The following TRAK2 variants were observed in gnomAD, a reference collection of about 807,000 sequenced individuals.
The protein encoded by TRAK2 is trafficking kinesin protein 2, also known as trafficking kinesin-binding protein 2.
TRAK2 carries 81 observed loss-of-function variants against 104.6 expected under a neutral mutation model. The observed-to-expected ratio is 0.77, with a 90% CI of 0.65 to 0.93. TRAK2 has a LOEUF of 0.93. Among genes scored for constraint, TRAK2 ranks in the 40% least tolerant of loss-of-function variants. The pLI, the probability that TRAK2 is intolerant of heterozygous loss-of-function variation, is 0.00. For synonymous variants in TRAK2, 406 were observed against 394.4 expected, an observed-to-expected ratio of 1.03 and a Z score of -0.35; for missense variants, 1,002 against 1,089.0, an observed-to-expected ratio of 0.92 and a Z score of 1.12.
intron 1 of TRAK2, among the ~76,000 whole-genome samples, chr2:201,434,939 A>G (rs1951870522): frequency 6.6e-6 from 1 of 152,260 alleles, no homozygotes; most frequent in Non-Finnish European, 1.5e-5. Context: ...CCAGTCAAAA[A>G]TAATTTAGTG....
In TRAK2 at chr2:201,380,431, A is replaced by G. The variant is rs1220952712; in HGVS notation, c.*112T>C. ...TTCCTCCATTCCCCCTTTCACATTC[A>G]CAACCCTTGTGCAACATTCCTTTTC... On this transcript the variant is annotated 3_prime_UTR_variant, in exon 16 of 16. Coordinates refer to ENST00000332624, the MANE Select transcript of TRAK2 (RefSeq NM_015049.3). 8.7e-7 allele frequency: 1 copy of G among 1,145,838 alleles called. No homozygotes were observed. Among genetic ancestry groups the G allele is most frequent in the African/African-American group, 1.6e-5 (1 of 64,076 alleles). The allele number at this position is 1,145,838 out of a possible 1,614,324, so 71.0% of individuals were successfully genotyped here. A position where few individuals can be genotyped will look rare whatever the true frequency, so the allele number is the denominator to read the frequency against.
In TRAK2 at chr2:201,400,448, G is replaced by T. The variant is rs866222396; in HGVS notation, c.363+570C>A. On this transcript the variant is annotated intron_variant, in intron 4 of 15. Coordinates refer to ENST00000332624, the MANE Select transcript of TRAK2 (RefSeq NM_015049.3). Reference sequence around the variant, plus strand: ...AAATAATCGCTAAATGGCATACATAGAAATCATTCTGGAGAGCTGGGGGGA... The same window carrying T: ...AAATAATCGCTAAATGGCATACATATAAATCATTCTGGAGAGCTGGGGGGA... 5.3e-5 allele frequency among the ~76,000 whole-genome samples: 8 copies of T among 152,050 alleles called. No homozygotes were observed. In the Middle Eastern group the frequency reaches 0.02, roughly 388 times the overall value.
At position 201,437,180 on chromosome 2, in the gene TRAK2, T is replaced by C. The variant is rs78758800; in HGVS notation, c.-200+14170A>G. Among the ~76,000 whole-genome samples the C allele has an allele frequency of 6.5e-3, 992 of 152,312 alleles. 10 individuals carry two copies. Among genetic ancestry groups the C allele is most frequent in the African/African-American group, 0.023 (969 of 41,570 alleles). Reference sequence around the variant, plus strand: ...ACAGGTAAATTTTTTGAGATATGGCTACTGGCTATCTGCAATCCAGGAGGT... The same window carrying C: ...ACAGGTAAATTTTTTGAGATATGGCCACTGGCTATCTGCAATCCAGGAGGT... On this transcript the variant is annotated intron_variant, in intron 1 of 15. Coordinates refer to ENST00000332624, the MANE Select transcript of TRAK2 (RefSeq NM_015049.3).
intron 1 of TRAK2, among the ~76,000 whole-genome samples, chr2:201,425,001 A>G (rs1188680906): frequency 2.0e-5 from 3 of 152,242 alleles, no homozygotes; most frequent in Non-Finnish European, 2.9e-5. Flanking sequence ...ACATGTGACA[A>G]TTATGAAATT....
At chr2:201,439,799 T>C (rs901159159) in intron 1 of TRAK2, among the ~76,000 whole-genome samples, 5 of 149,942 alleles carry the variant, frequency 3.3e-5, no homozygotes, top group Admixed American at 6.6e-5. Flanking sequence ...ATGGATGAAA[T>C]TGGAAATCAT....
rs149582287 is a variant in TRAK2, at chr2:201,385,112, T to A, written c.1964-896A>T. Among the ~76,000 whole-genome samples, 68 of 152,314 alleles carry A rather than the reference T, an allele frequency of 4.5e-4. 1 individual carries two copies. The highest frequency in any genetic ancestry group is 1.5e-3 in the African/African-American group (63 of 41,572). On this transcript the variant is annotated intron_variant, in intron 14 of 15. Transcript: ENST00000332624. ...GAAAAAGTGAGTTTTGGAAAACTCGTATCCACCACTGAAAGCATGAACATC... is the reference window on the plus strand; with the variant it reads ...GAAAAAGTGAGTTTTGGAAAACTCGAATCCACCACTGAAAGCATGAACATC...
rs757907835 is a variant in TRAK2, at chr2:201,397,490, G to A, written c.769+12C>T. 1.2e-5 allele frequency: 20 copies of A among 1,601,418 alleles called. No individual in the cohort carries two copies. The highest frequency in any genetic ancestry group is 1.6e-5 in the Non-Finnish European group (19 of 1,170,234). Reference sequence around the variant, plus strand: ...TCCAAAAAGGTACAAAAGAGAATATGTTAATACTCACGAAGTTCTTTAACA... The same window carrying A: ...TCCAAAAAGGTACAAAAGAGAATATATTAATACTCACGAAGTTCTTTAACA... On this transcript the variant is annotated intron_variant, in intron 7 of 15. Coordinates refer to ENST00000332624, the MANE Select transcript of TRAK2 (RefSeq NM_015049.3).
intron 14 of TRAK2, among the ~76,000 whole-genome samples, chr2:201,384,683 A>G (rs1260226364): frequency 6.6e-6 from 1 of 152,232 alleles, no homozygotes; most frequent in Non-Finnish European, 1.5e-5. Context: ...ATGGCTCCTC[A>G]GCACAAAACA....
intron 2 of TRAK2, chr2:201,410,491 G>T: frequency 1.3e-6 from 1 of 796,366 alleles, no homozygotes; most frequent in Non-Finnish European, 2.0e-6. Context: ...ACATAAAGAT[G>T]TAAATCAGCT....
At chr2:201,413,030 C>T (rs1951661464) in intron 2 of TRAK2, 6 of 781,332 alleles carry the variant, frequency 7.7e-6, no homozygotes, top group South Asian at 2.8e-5. Context: ...GTGTTGAAGT[C>T]GAGTTAAGTG....
intron 1 of TRAK2, among the ~76,000 whole-genome samples, chr2:201,432,373 TCTA>T (rs1322983038): frequency 1.3e-5 from 2 of 152,226 alleles, no homozygotes; most frequent in Non-Finnish European, 2.9e-5. Context: ...TTCAGGGCCA[TCTA>T]CTTTCTTTGC....
Position 201,393,063 on chromosome 2 carries a change from T to G in TRAK2, c.976-17A>C, listed in dbSNP as rs766411745. On this transcript the variant is annotated splice_polypyrimidine_tract_variant and intron_variant, in intron 9 of 15. Transcript: ENST00000332624. ...CTCGTGCAGCTAAAAGAAAGGATGGTAGTGTACTTTATTGCCTTCCCAAAA... is the reference window on the plus strand; with the variant it reads ...CTCGTGCAGCTAAAAGAAAGGATGGGAGTGTACTTTATTGCCTTCCCAAAA... 7 of 1,595,290 alleles carry G rather than the reference T, an allele frequency of 4.4e-6. No homozygotes were observed. The East Asian group carries it at 9.0e-5, about 20-fold the overall frequency.
chr2:201,410,317 A>C (rs559104815), intron 2 of TRAK2, among the ~76,000 whole-genome samples: 3 of 152,174 alleles, frequency 2.0e-5, no homozygotes, highest in South Asian at 4.1e-4. Flanking sequence ...AAAAAAAAAA[A>C]CAAAAAACCT....
At chr2:201,415,509 A>G (rs568285597) in intron 2 of TRAK2, among the ~76,000 whole-genome samples, 49 of 152,292 alleles carry the variant, frequency 3.2e-4, no homozygotes, top group Admixed American at 9.2e-4. Flanking sequence ...GAAAATATGA[A>G]CGTAATGGAA....
Position 201,435,776 on chromosome 2 carries a change from A to C in TRAK2, c.-199-15070T>G, listed in dbSNP as rs561894325. Among the ~76,000 whole-genome samples the C allele has an allele frequency of 3.9e-5, 6 of 152,330 alleles. No individual in the cohort carries two copies. In the East Asian group the frequency reaches 1.2e-3, roughly 29 times the overall value. On this transcript the variant is annotated intron_variant, in intron 1 of 15. Coordinates refer to ENST00000332624, the MANE Select transcript of TRAK2 (RefSeq NM_015049.3). ...GTAAGGCCTCATAGCATCAAAAAGA[A>C]GGCTAAACTGCTCTGCAAGAGACAG...
chr2:201,396,547 A>AAATTATGTGTATTT (rs1951504640), intron 7 of TRAK2, among the ~76,000 whole-genome samples: 1 of 152,210 alleles, frequency 6.6e-6, no homozygotes, highest in South Asian at 2.1e-4. Flanking sequence ...ACAAATAAAT[A>AAATTATGTGTATTT]CCGATGATAA....
rs777232278 is a variant in TRAK2 at position 201,377,802 on chromosome 2, G to A, written c.*2741C>T. 6 of 152,134 alleles carry A rather than the reference G, an allele frequency of 3.9e-5. No individual in the cohort carries two copies. Among genetic ancestry groups the A allele is most frequent in the South Asian group, 2.1e-4 (1 of 4,812 alleles). The allele number at this position is 152,134 out of a possible 1,614,324, so 9.4% of individuals were successfully genotyped here. On this transcript the variant is annotated 3_prime_UTR_variant, in exon 16 of 16. Coordinates refer to ENST00000332624, the MANE Select transcript of TRAK2 (RefSeq NM_015049.3). ...TAGGAGAACTTTTAATTCTGAGCTC[G>A]GGAAGATATTTCTCCTATTAGACAA...
intron 1 of TRAK2, among the ~76,000 whole-genome samples, chr2:201,438,678 T>G (rs1387497708): frequency 6.6e-6 from 1 of 152,146 alleles, no homozygotes; most frequent in African/African-American, 2.4e-5. Context: ...ATGTCTCTAC[T>G]CCACTTTTTA....
chr2:201,430,304 T>C (rs1951831242), intron 1 of TRAK2, among the ~76,000 whole-genome samples: 1 of 152,248 alleles, frequency 6.6e-6, no homozygotes, highest in Non-Finnish European at 1.5e-5. Context: ...GCAGTCTGTC[T>C]ATTCTCAGAT....
Sources: gnomAD v4.1 joint callset for allele counts (sites outside exome capture counted in the v4.1 genomes callset) on GRCh38, gnomAD v4.1.1 for gene constraint, MANE v1.5 for transcripts, NCBI Gene and HGNC (gene_info 2026-07-23, HGNC 2026-07-21) for gene names.